Variants in POMGNT1 observed in about 807,000 individuals in gnomAD.
The protein encoded by POMGNT1 is protein O-linked-mannose beta-1,2-N-acetylglucosaminyltransferase 1.
In POMGNT1, 67 loss-of-function variants were observed where a neutral mutation model predicts 95.6. The ratio of observed to expected loss-of-function variants is 0.70; its 90% CI spans 0.58 to 0.86. The LOEUF is 0.86. Among genes scored for constraint, POMGNT1 ranks in the 40% least tolerant of loss-of-function variants. POMGNT1 has a pLI of 0.00. For missense variants in POMGNT1, 719 were observed against 855.2 expected, an observed-to-expected ratio of 0.84 and a Z score of 1.99; for synonymous variants, 298 against 317.9, an observed-to-expected ratio of 0.94 and a Z score of 0.66.
chr1:46,195,373 ACTC>A (rs1268336937), intron 6 of POMGNT1: 9 of 371,868 alleles, frequency 2.4e-5, no homozygotes, highest in African/African-American at 1.9e-4. Flanking sequence ...CACCTGGCTC[ACTC>A]CTCAATTCCT....
intron 1 of POMGNT1, among the ~76,000 whole-genome samples, chr1:46,219,362 T>A (rs1659162134): frequency 6.6e-6 from 1 of 152,118 alleles, no homozygotes; most frequent in South Asian, 2.1e-4. Flanking sequence ...ATTTTAATAC[T>A]TAACATTTAC....
At chr1:46,219,379 C>T (rs1659162927) in intron 1 of POMGNT1, among the ~76,000 whole-genome samples, 1 of 152,134 alleles carries the variant, frequency 6.6e-6, no homozygotes, top group Non-Finnish European at 1.5e-5. Flanking sequence ...TTACTGAGAC[C>T]TTCCTCTGTG....
At chr1:46,211,754 A>T (rs1658902785) in intron 1 of POMGNT1, among the ~76,000 whole-genome samples, 1 of 152,050 alleles carries the variant, frequency 6.6e-6, no homozygotes, top group Non-Finnish European at 1.5e-5. Flanking sequence ...TAATTTTCTC[A>T]ATGTACAAAT....
At chr1:46,203,776 G>A (rs1467198461) in intron 1 of POMGNT1, 10 of 719,954 alleles carry the variant, frequency 1.4e-5, no homozygotes, top group Non-Finnish European at 2.1e-5. Context: ...CGTAAACGCT[G>A]GGGTGGAGAT....
At chr1:46,209,205 G>A (rs972759074) in intron 1 of POMGNT1, among the ~76,000 whole-genome samples, 4 of 152,108 alleles carry the variant, frequency 2.6e-5, no homozygotes, top group East Asian at 1.9e-4. Context: ...TGTATTTTTC[G>A]TAGAGATGGG....
At chr1:46,214,012 T>C (rs1233515184) in intron 1 of POMGNT1, among the ~76,000 whole-genome samples, 1 of 152,122 alleles carries the variant, frequency 6.6e-6, no homozygotes, top group Non-Finnish European at 1.5e-5. Flanking sequence ...TTAAAGATGA[T>C]AGACATCTGA....
intron 7 of POMGNT1, 53 bp from the exon 8 acceptor site, chr1:46,194,704 CT>C (rs1466683422): frequency 2.1e-5 from 34 of 1,614,172 alleles, no homozygotes; most frequent in Non-Finnish European, 2.9e-5. Flanking sequence ...AGTTTGGGGG[CT>C]TTTTCCCATC....
Position 46,192,592 on chromosome 1 carries a change from TGA to T in POMGNT1, c.1212-4_1212-3del. Reference sequence around the variant, plus strand: ...AGGTGGATGGATTGGCTCAGGAAACTGAGAGAGGCAGGGTCAAAGAGTTCAGG... The same window carrying T: ...AGGTGGATGGATTGGCTCAGGAAACTGAGAGGCAGGGTCAAAGAGTTCAGG... On this transcript the variant is annotated splice_region_variant and splice_polypyrimidine_tract_variant and intron_variant, in intron 14 of 21. Coordinates refer to ENST00000371984, the MANE Select transcript of POMGNT1 (RefSeq NM_017739.4). 2 of 1,613,912 alleles carry T rather than the reference TGA, an allele frequency of 1.2e-6. No individual in the cohort carries two copies. Among genetic ancestry groups the T allele is most frequent in the East Asian group, 4.5e-5 (2 of 44,880 alleles).
chr1:46,216,545 T>C (rs1375626388), intron 1 of POMGNT1, among the ~76,000 whole-genome samples: 1 of 152,102 alleles, frequency 6.6e-6, no homozygotes, highest in Non-Finnish European at 1.5e-5. Flanking sequence ...TCTCACTCTG[T>C]TACCTAGGCT....
chr1:46,201,086 G>A (rs1658518428), upstream of POMGNT1, among the ~76,000 whole-genome samples: 2 of 152,058 alleles, frequency 1.3e-5, no homozygotes, highest in African/African-American at 4.8e-5. Context: ...AGCCAAGATG[G>A]TGCCACTGCA....
chr1:46,198,965 G>A (rs1430044213), upstream of POMGNT1, among the ~76,000 whole-genome samples: 1 of 151,918 alleles, frequency 6.6e-6, no homozygotes, highest in Non-Finnish European at 1.5e-5. Flanking sequence ...TAATTGAGAC[G>A]GAGTCTCGCT....
Position 46,189,581 on chromosome 1 carries a change from G to C in POMGNT1, c.1786-14C>G, listed in dbSNP as rs1310971258. ...GATATGGAGGCACTAGTGAGGGTGGGATGGAGACAGAGACATGGGTCAGAG... is the reference window on the plus strand; with the variant it reads ...GATATGGAGGCACTAGTGAGGGTGGCATGGAGACAGAGACATGGGTCAGAG... On this transcript the variant is annotated splice_polypyrimidine_tract_variant and intron_variant, in intron 20 of 21. Transcript: ENST00000371984. 6 of 1,604,060 alleles carry C rather than the reference G, an allele frequency of 3.7e-6. No individual in the cohort carries two copies. In the South Asian group the frequency reaches 6.7e-5, roughly 18 times the overall value.
chr1:46,204,596 G>T (rs994555390), intron 1 of POMGNT1, among the ~76,000 whole-genome samples: 2 of 152,186 alleles, frequency 1.3e-5, no homozygotes, highest in African/African-American at 4.8e-5. Context: ...AATCATGGGG[G>T]CTCTGAGACC....
chr1:46,189,351 C>T lies in POMGNT1; in HGVS notation c.1902G>A (p.Lys634=). ...AAATTGGGGTGACTGAGGGTGGCTTCTTCACTCTGGGAAAATAATACAAGA... is the reference window on the plus strand; with the variant it reads ...AAATTGGGGTGACTGAGGGTGGCTTTTTCACTCTGGGAAAATAATACAAGA... The part of the protein sequence containing the change: ...VGVPASPYSV[K]KPPSVTPIFL... Residue 634 remains lysine, a synonymous_variant, in exon 22 of 22, where the codon AAG becomes AAA. Transcript: ENST00000371984. The T allele has an allele frequency of 6.2e-7, 1 of 1,613,928 alleles. No homozygotes were observed. Among genetic ancestry groups the T allele is most frequent in the Non-Finnish European group, 8.5e-7 (1 of 1,180,014 alleles).
chr1:46,202,920 G>GGTGTGTGTGT (rs10689850), upstream of POMGNT1, among the ~76,000 whole-genome samples: 485 of 64,446 alleles, frequency 7.5e-3, 3 homozygotes, highest in African/African-American at 0.017. Context: ...GGGGGGGGGT[G>GGTGTGTGTGT]GTGTGTGTGT....
Position 46,189,462 on chromosome 1 carries a change from A to T in POMGNT1, c.1891T>A (p.Tyr631Asn). ...FLMVGVPASP[Y>N]SVKKPPSVTP... ...GGGCAGAAAAGGGTCACTCACGAGTAGGGGGAAGCCGGGACCCCCACCATC... is the reference window on the plus strand; with the variant it reads ...GGGCAGAAAAGGGTCACTCACGAGTTGGGGGAAGCCGGGACCCCCACCATC... Residue 631 changes from tyrosine to asparagine, a missense_variant, in exon 21 of 22, where the codon TAC (tyrosine) becomes AAC (asparagine). Physicochemically the swap from Tyr to Asn is moderately radical, Grantham distance 143 (BLOSUM62 -2). Around this residue, in one of 5 missense-constraint regions of POMGNT1, gnomAD observed 130 missense variants for 149.2 expected, o/e 0.87. Transcript: ENST00000371984. The T allele has an allele frequency of 1.2e-6, 2 of 1,613,684 alleles. No individual in the cohort carries two copies. Among genetic ancestry groups the T allele is most frequent in the Non-Finnish European group, 1.7e-6 (2 of 1,179,782 alleles).
At chr1:46,208,010 G>A (rs550945344) in intron 1 of POMGNT1, among the ~76,000 whole-genome samples, 15 of 152,030 alleles carry the variant, frequency 9.9e-5, no homozygotes, top group African/African-American at 3.1e-4. Flanking sequence ...TGGGATTACA[G>A]GCACCCGCCT....
Position 46,194,331 on chromosome 1 carries a change from GC to G in POMGNT1, c.821del (p.Gly274AlafsTer59), listed in dbSNP as rs1557674825. 6.2e-7 allele frequency: 1 copy of G among 1,614,202 alleles called. No individual in the cohort carries two copies. The highest frequency in any genetic ancestry group is 1.1e-5 in the South Asian group (1 of 91,082). Reference sequence around the variant, plus strand: ...CCTTGCAGCTGCATACACTTCCATAGCCCTCAACTTTGCTGCAGAAGCGCCG... The same window carrying G: ...CCTTGCAGCTGCATACACTTCCATAGCCTCAACTTTGCTGCAGAAGCGCCG... ...RRRRFCSKVE[G>X]YGSVCSCKDP... is the part of the protein sequence containing the mutation. On this transcript the variant is annotated frameshift_variant, in exon 9 of 22. Coordinates refer to ENST00000371984, the MANE Select transcript of POMGNT1 (RefSeq NM_017739.4). LOFTEE classifies it high-confidence loss of function.
At chr1:46,216,345 C>A (rs1277651211) in intron 1 of POMGNT1, among the ~76,000 whole-genome samples, 1 of 151,050 alleles carries the variant, frequency 6.6e-6, no homozygotes, top group African/African-American at 2.4e-5. Context: ...CACGCTCGGC[C>A]CTATTTTATC....
Sources: allele counts gnomAD v4.1 joint callset (sites outside exome capture counted in the v4.1 genomes callset), GRCh38; gene constraint gnomAD v4.1.1; regional missense constraint gnomAD v4.1.1; transcripts MANE v1.5; gene names NCBI Gene and HGNC (gene_info 2026-07-23, HGNC 2026-07-21).